Variants in AP4S1 observed in about 807,000 individuals in gnomAD.
The protein encoded by AP4S1 is adaptor related protein complex 4 subunit sigma 1.
AP4S1 carries 23 observed loss-of-function variants against 19.8 expected under a neutral mutation model. The observed-to-expected ratio is 1.16, with a 90% CI of 0.84 to 1.65. The LOEUF (loss-of-function observed/expected upper bound fraction) is 1.65, where lower values mean the gene tolerates loss of function less well. Among genes scored for constraint, AP4S1 ranks in the 40% most tolerant of loss-of-function variants. The pLI is 0.00. For missense variants in AP4S1, 166 were observed against 172.8 expected (o/e 0.96, Z 0.22); for synonymous variants, 46 against 54.1 (o/e 0.85, Z 0.66).
At chr14:31,072,811 GC>G (rs1887087431) in intron 3 of AP4S1, 93 bp from the exon 4 acceptor site, 1 of 1,004,744 alleles carries the variant, frequency 1.0e-6, no homozygotes. Context: ...TAAGCCACAT[GC>G]TCTAAAACCT....
intron 1 of AP4S1, among the ~76,000 whole-genome samples, 184 bp from the exon 2 acceptor site, chr14:31,065,942 G>A (rs1886693156): frequency 6.6e-6 from 1 of 152,168 alleles, no homozygotes; most frequent in African/African-American, 2.4e-5. Context: ...TTACAGGCAT[G>A]AGCCACCACA....
chr14:31,091,071 C>T (rs1888064964), intron 5 of AP4S1, among the ~76,000 whole-genome samples: 1 of 152,164 alleles, frequency 6.6e-6, no homozygotes, highest in Non-Finnish European at 1.5e-5. Flanking sequence ...TATGATTTAG[C>T]AGTAAATTCT....
At chr14:31,055,468 A>G (rs1262805057) in intron 1 of AP4S1, among the ~76,000 whole-genome samples, 1 of 152,144 alleles carries the variant, frequency 6.6e-6, no homozygotes, top group Non-Finnish European at 1.5e-5. Flanking sequence ...ACAACAACCT[A>G]GGAAGTGAGT....
chr14:31,032,523 ATT>A (rs775316642), intron 1 of AP4S1, among the ~76,000 whole-genome samples: 1 of 138,920 alleles, frequency 7.2e-6, no homozygotes, highest in Non-Finnish European at 1.5e-5. Context: ...CAGAATGTAC[ATT>A]TTTTTTTTTT....
intron 1 of AP4S1, among the ~76,000 whole-genome samples, chr14:31,039,757 A>G (rs546942683): frequency 1.1e-4 from 17 of 151,258 alleles, no homozygotes; most frequent in Non-Finnish European, 2.2e-4. Context: ...TGCCCGGCTA[A>G]TTTTTGTATT....
At chr14:31,046,486 C>A (rs1885411379) in intron 1 of AP4S1, among the ~76,000 whole-genome samples, 1 of 152,006 alleles carries the variant, frequency 6.6e-6, no homozygotes, top group African/African-American at 2.4e-5. Context: ...TATGGATATA[C>A]CATGTTTTGT....
At chr14:31,080,550 T>C (rs1887583414) in intron 4 of AP4S1, 23 bp from the exon 5 acceptor site, 1 of 1,596,004 alleles carries the variant, frequency 6.3e-7, no homozygotes, top group Non-Finnish European at 8.6e-7. Context: ...TTCTAACCCT[T>C]GCACTCTTTT....
upstream of AP4S1, chr14:31,025,466 G>A (rs978030538): frequency 3.6e-5 from 6 of 166,452 alleles, no homozygotes; most frequent in African/African-American, 5.1e-5. Context: ...GGGGTGGTCC[G>A]GAAAAGGGGG....
chr14:31,080,980 C>CG (rs1887608732), intron 5 of AP4S1, among the ~76,000 whole-genome samples: 1 of 152,044 alleles, frequency 6.6e-6, no homozygotes, highest in Non-Finnish European at 1.5e-5. Flanking sequence ...TTAGTAGACA[C>CG]GGGGTTTCAC....
chr14:31,039,551 A>T (rs887411071), intron 1 of AP4S1, among the ~76,000 whole-genome samples: 1 of 150,344 alleles, frequency 6.7e-6, no homozygotes, highest in African/African-American at 2.5e-5. Flanking sequence ...GGAAGGTCTT[A>T]AATACAATAG....
At chr14:31,082,177 G>C (rs1006147747) in intron 5 of AP4S1, among the ~76,000 whole-genome samples, 2 of 152,112 alleles carry the variant, frequency 1.3e-5, no homozygotes, top group African/African-American at 4.8e-5. Flanking sequence ...GGGAAAATCT[G>C]AGTGCCCTCT....
At chr14:31,028,013 TTAAG>T (rs1884139954) in intron 1 of AP4S1, among the ~76,000 whole-genome samples, 1 of 152,192 alleles carries the variant, frequency 6.6e-6, no homozygotes, top group African/African-American at 2.4e-5. Context: ...TCAAAAGAGA[TTAAG>T]TAATGCATCT....
Position 31,069,876 on chromosome 14 carries a change from A to G in AP4S1, c.172A>G (p.Ile58Val). Residue 58 changes from isoleucine to valine, a missense_variant, in exon 3 of 6, where the codon ATA becomes GTA. Physicochemically the swap from Ile to Val is conservative, Grantham distance 29. Coordinates refer to ENST00000542754, the MANE Select transcript of AP4S1 (RefSeq NM_001128126.3). ...SFIEYKDFKL[I>V]YRQYAALFIV... Reference sequence around the variant, plus strand: ...CATTGAATATAAGGATTTTAAGCTGATATATCGGCAGTATGCAGCTCTCTT... The same window carrying G: ...CATTGAATATAAGGATTTTAAGCTGGTATATCGGCAGTATGCAGCTCTCTT... 4 of 1,613,618 alleles carry G rather than the reference A, an allele frequency of 2.5e-6. No individual in the cohort carries two copies. Among genetic ancestry groups the G allele is most frequent in the Non-Finnish European group, 3.4e-6 (4 of 1,179,524 alleles).
intron 1 of AP4S1, among the ~76,000 whole-genome samples, chr14:31,036,533 C>T (rs748385800): frequency 5.3e-5 from 8 of 152,180 alleles, no homozygotes; most frequent in Non-Finnish European, 1.0e-4. Context: ...ATTAGCCTGA[C>T]CTAGCTATTA....
At chr14:31,031,012 G>A (rs546411883) in intron 1 of AP4S1, among the ~76,000 whole-genome samples, 1 of 152,256 alleles carries the variant, frequency 6.6e-6, no homozygotes, top group South Asian at 2.1e-4. Flanking sequence ...AAGGGAGGGA[G>A]GTTATTGGAT....
chr14:31,042,642 A>G (rs2139456060), intron 1 of AP4S1, among the ~76,000 whole-genome samples: 1 of 152,342 alleles, frequency 6.6e-6, no homozygotes, highest in South Asian at 2.1e-4. Context: ...TTTTCTCGCC[A>G]GCCTGGATCA....
At chr14:31,045,850 G>A (rs375790129) in intron 1 of AP4S1, among the ~76,000 whole-genome samples, 13 of 152,060 alleles carry the variant, frequency 8.5e-5, no homozygotes, top group African/African-American at 2.9e-4. Flanking sequence ...GAGTGAGTCC[G>A]TAGATAGCCT....
At chr14:31,063,129 T>G (rs1886532939) in intron 1 of AP4S1, among the ~76,000 whole-genome samples, 1 of 151,512 alleles carries the variant, frequency 6.6e-6, no homozygotes, top group African/African-American at 2.4e-5. Context: ...GACCCCCATC[T>G]CTACAAAAAT....
chr14:31,063,384 C>T (rs1234655212), intron 1 of AP4S1, among the ~76,000 whole-genome samples: 1 of 151,598 alleles, frequency 6.6e-6, no homozygotes, highest in Non-Finnish European at 1.5e-5. Flanking sequence ...GAACTGAGAT[C>T]GACTGCACCA....
Sources: gnomAD v4.1 joint callset for allele counts (sites outside exome capture counted in the v4.1 genomes callset) on GRCh38, gnomAD v4.1.1 for gene constraint, MANE v1.5 for transcripts, NCBI Gene and HGNC (gene_info 2026-07-23, HGNC 2026-07-21) for gene names.